The following RASA3 variants were observed in gnomAD, a reference collection of about 807,000 sequenced individuals.
RASA3 encodes the protein ras GTPase-activating protein 3.
In RASA3, 73 loss-of-function variants were observed where a neutral mutation model predicts 110.0. The ratio of observed to expected loss-of-function variants is 0.66; its 90% CI spans 0.55 to 0.81. The LOEUF (loss-of-function observed/expected upper bound fraction) is 0.81. RASA3 is among the 30% of genes least tolerant of loss of function. The probability of loss-of-function intolerance (pLI) is 0.00; values close to 1 mark genes in which losing one functional copy is unlikely to be tolerated. For synonymous variants in RASA3, 500 were observed against 451.4 expected (o/e 1.11, Z -1.37); for missense variants, 976 against 1,113.2 (o/e 0.88, Z 1.75).
At position 114,052,038 on chromosome 13, in the gene RASA3, C is replaced by A; in HGVS notation, c.277+14G>T. ...AGGCAGAAAAGGGGAAGTAAATGCT[C>A]ATTCATCACCTACCTATGATGGAAT... On this transcript the variant is annotated intron_variant, in intron 3 of 23. Coordinates refer to ENST00000334062, the MANE Select transcript of RASA3 (RefSeq NM_007368.4). 3 of 1,557,358 alleles carry A rather than the reference C, an allele frequency of 1.9e-6. No individual in the cohort carries two copies. The highest frequency in any genetic ancestry group is 1.1e-5 in the South Asian group (1 of 89,760).
intron 18 of RASA3, among the ~76,000 whole-genome samples, chr13:114,002,392 C>T (rs890306705): frequency 1.3e-5 from 2 of 152,034 alleles, no homozygotes; most frequent in African/African-American, 4.8e-5. Flanking sequence ...TGCCGAACGC[C>T]GTTCATTCCA....
At chr13:114,036,080 G>A (rs2054273134) in intron 4 of RASA3, 2 of 152,254 alleles carry the variant, frequency 1.3e-5, no homozygotes, top group African/African-American at 4.8e-5. Context: ...TTGAAAGCCT[G>A]GTTTATAAAC....
At chr13:114,038,077 TAA>T (rs541898809) in intron 4 of RASA3, among the ~76,000 whole-genome samples, 14 of 116,634 alleles carry the variant, frequency 1.2e-4, no homozygotes, top group Non-Finnish European at 1.3e-4. Context: ...ATTAAATCAG[TAA>T]AAAAAAAAAA....
intron 1 of RASA3, among the ~76,000 whole-genome samples, chr13:114,074,297 C>G (rs2079630161): frequency 6.6e-6 from 1 of 152,178 alleles, no homozygotes; most frequent in African/African-American, 2.4e-5. Context: ...CTCCTGCTGT[C>G]TCCCAGTGGC....
intron 1 of RASA3, among the ~76,000 whole-genome samples, chr13:114,125,121 GC>G (rs1230018771): frequency 1.3e-5 from 2 of 152,114 alleles, no homozygotes; most frequent in African/African-American, 4.8e-5. Context: ...TGAATCTTAT[GC>G]CGTGGAACTT....
At chr13:114,027,535 C>A in intron 6 of RASA3, 74 bp from the exon 7 acceptor site, 1 of 1,128,044 alleles carries the variant, frequency 8.9e-7, no homozygotes, top group Non-Finnish European at 1.3e-6. Context: ...TAAAACCGAG[C>A]TCTCAAATGC....
Position 114,113,315 on chromosome 13 carries a change from C to G in RASA3, c.55+19120G>C, listed in dbSNP as rs562246305. ...GGGCCCTGCACTTGGGCAGATGCAC[C>G]TGTGGCTTGAGCTCAGCACAGCACA... On this transcript the variant is annotated intron_variant, in intron 1 of 23. Transcript: ENST00000334062. Among the ~76,000 whole-genome samples, 14 of 152,354 alleles carry G rather than the reference C, an allele frequency of 9.2e-5. 1 individual carries two copies. The South Asian group carries it at 2.9e-3, about 32-fold the overall frequency.
At chr13:114,013,721 T>C (rs2053705800) in intron 14 of RASA3, among the ~76,000 whole-genome samples, 1 of 125,268 alleles carries the variant, frequency 8.0e-6, no homozygotes, top group African/African-American at 3.4e-5. Context: ...CCCCTCTCTC[T>C]CTCCGTCCGT....
At chr13:114,107,985 G>A (rs926389364) in intron 1 of RASA3, among the ~76,000 whole-genome samples, 1 of 152,018 alleles carries the variant, frequency 6.6e-6, no homozygotes, top group African/African-American at 2.4e-5. Context: ...CGGCATGGTG[G>A]GGGTGGCCCT....
chr13:114,073,039 G>A (rs2079600103), intron 2 of RASA3, among the ~76,000 whole-genome samples: 1 of 150,672 alleles, frequency 6.6e-6, no homozygotes, highest in African/African-American at 2.4e-5. Context: ...CCACGCTCGG[G>A]ACATTGTCTA....
chr13:114,027,417 G>A lies in RASA3; in HGVS notation c.575C>T (p.Pro192Leu). The change falls in exon 7 of 24, where the codon CCC becomes CTC. Residue 192 changes from proline to leucine, a missense_variant. Transcript: ENST00000334062. ...AAAATAAAACACTTCATCGAACTGGGGATTGTTGGTCTTCCTCTTCACTTT... is the reference window on the plus strand; with the variant it reads ...AAAATAAAACACTTCATCGAACTGGAGATTGTTGGTCTTCCTCTTCACTTT... ...KTKVKRKTNNPQFDEVFYFEV... is the reference protein window; with the variant it reads ...KTKVKRKTNNLQFDEVFYFEV... The A allele has an allele frequency of 6.2e-7, 1 of 1,613,224 alleles. No individual in the cohort carries two copies. Among genetic ancestry groups the A allele is most frequent in the Non-Finnish European group, 8.5e-7 (1 of 1,179,262 alleles).
At chr13:114,068,477 A>G (rs2079494473) in intron 2 of RASA3, among the ~76,000 whole-genome samples, 1 of 152,270 alleles carries the variant, frequency 6.6e-6, no homozygotes, top group Non-Finnish European at 1.5e-5. Context: ...TGACTGGACT[A>G]ACCCAGCAAG....
At chr13:114,108,183 G>A (rs1566579295) in intron 1 of RASA3, among the ~76,000 whole-genome samples, 3 of 151,368 alleles carry the variant, frequency 2.0e-5, no homozygotes, top group African/African-American at 4.9e-5. Context: ...TCCCCTGTCC[G>A]TCACCCCGCA....
chr13:114,114,886 G>A lies in RASA3; in HGVS notation c.55+17549C>T, dbSNP rs2080257994. Among the ~76,000 whole-genome samples the A allele has an allele frequency of 6.6e-6, 1 of 152,164 alleles. No homozygotes were observed. The highest frequency in any genetic ancestry group is 2.4e-5 in the African/African-American group (1 of 41,456). On this transcript the variant is annotated intron_variant, in intron 1 of 23. Transcript: ENST00000334062. The surrounding 1 kb of genome is among the most constrained non-coding windows in gnomAD (Gnocchi z 4.8). ...TCCAGGGACGACGCGGGGGTGCTAA[G>A]CTGGTAAGCTGGGAAATTCCCGGGC...
intron 2 of RASA3, among the ~76,000 whole-genome samples, chr13:114,073,314 C>CATGCGGG: frequency 7.5e-6 from 1 of 133,926 alleles, no homozygotes; most frequent in African/African-American, 2.9e-5. Context: ...AAATTCCCTA[C>CATGCGGG]ACATGGGAAA....
At chr13:114,060,505 G>A (rs1372587005) in intron 2 of RASA3, among the ~76,000 whole-genome samples, 2 of 152,202 alleles carry the variant, frequency 1.3e-5, no homozygotes, top group African/African-American at 2.4e-5. Flanking sequence ...CCACGGTGCC[G>A]AGCAAATCCT....
chr13:114,069,933 T>A (rs868494428), intron 2 of RASA3, among the ~76,000 whole-genome samples: 1 of 1,258 alleles, frequency 7.9e-4, no homozygotes, highest in Non-Finnish European at 1.4e-3. Context: ...ACTGGGGGGG[T>A]GGGAGACTCG....
At chr13:114,041,482 C>T (rs140984094) in intron 3 of RASA3, among the ~76,000 whole-genome samples, 90 of 152,400 alleles carry the variant, frequency 5.9e-4, no homozygotes, top group African/African-American at 2.0e-3. Flanking sequence ...GCTCCATCGG[C>T]AATGTGCGCC....
intron 1 of RASA3, among the ~76,000 whole-genome samples, chr13:114,091,816 C>G (rs1478050997): frequency 6.6e-6 from 1 of 152,024 alleles, no homozygotes; most frequent in Non-Finnish European, 1.5e-5. Context: ...AATGATCCAT[C>G]AGGGCCTGGG....
Sources: gnomAD v4.1 joint callset for allele counts (sites outside exome capture counted in the v4.1 genomes callset) on GRCh38, gnomAD v4.1.1 for gene constraint, Gnocchi (gnomAD v3.1) non-coding constraint, MANE v1.5 for transcripts, NCBI Gene and HGNC (gene_info 2026-07-23, HGNC 2026-07-21) for gene names.